PHF21B: variants seen among roughly 807,000 people sequenced by gnomAD.
PHF21B encodes PHD finger protein 4.
Under a neutral mutation model 62.2 loss-of-function variants are expected in PHF21B, and 22 were observed. The ratio of observed to expected loss-of-function variants is 0.35; its 90% CI spans 0.25 to 0.51. The LOEUF (loss-of-function observed/expected upper bound fraction) is 0.51, where lower values mean the gene tolerates loss of function less well. Among genes scored for constraint, PHF21B ranks in the 20% least tolerant of loss-of-function variants. PHF21B has a pLI of 0.97. For missense variants in PHF21B, 701 were observed against 707.9 expected, an observed-to-expected ratio of 0.99 and a Z score of 0.11; for synonymous variants, 341 against 314.7, an observed-to-expected ratio of 1.08 and a Z score of -0.88.
intron 2 of PHF21B, among the ~76,000 whole-genome samples, chr22:44,990,817 G>A (rs769491114): frequency 2.6e-5 from 4 of 152,282 alleles, no homozygotes; most frequent in South Asian, 2.1e-4. Context: ...TGGTGAAGAC[G>A]GTAAGTTTTA....
At chr22:44,997,202 G>A (rs926354660) in intron 2 of PHF21B, among the ~76,000 whole-genome samples, 46 of 152,216 alleles carry the variant, frequency 3.0e-4, no homozygotes, top group African/African-American at 1.1e-3. Flanking sequence ...AGTCCCTTAC[G>A]CTGAAGGTCC....
At chr22:44,953,907 C>T (rs2072242329) in intron 2 of PHF21B, among the ~76,000 whole-genome samples, 1 of 152,232 alleles carries the variant, frequency 6.6e-6, no homozygotes, top group Non-Finnish European at 1.5e-5. Flanking sequence ...AGTGAAGCAA[C>T]TTGCCCAAGC....
chr22:44,902,309 C>T (rs894747101), intron 5 of PHF21B: 1 of 313,750 alleles, frequency 3.2e-6, no homozygotes, highest in Non-Finnish European at 6.3e-6. Flanking sequence ...GGTTGATCAT[C>T]AAAAAGCTGT....
chr22:44,920,623 T>C (rs996006609), intron 2 of PHF21B, 133 bp from the exon 3 acceptor site: 27 of 501,448 alleles, frequency 5.4e-5, no homozygotes, highest in Admixed American at 3.1e-4. Context: ...TTAATTATGA[T>C]TTTTAAAAAA....
intron 2 of PHF21B, among the ~76,000 whole-genome samples, chr22:44,974,898 A>AC (rs1161275410): frequency 6.6e-6 from 1 of 152,232 alleles, no homozygotes; most frequent in African/African-American, 2.4e-5. Context: ...ACCACTCAGT[A>AC]CCCAATCATT....
chr22:45,007,436 G>C (rs1034909530), intron 2 of PHF21B, among the ~76,000 whole-genome samples: 5 of 147,312 alleles, frequency 3.4e-5, no homozygotes, highest in African/African-American at 1.3e-4. Context: ...CGCGGGGGCA[G>C]GCCCGGGCGG....
At chr22:44,926,507 A>G (rs903012844) in intron 2 of PHF21B, among the ~76,000 whole-genome samples, 9 of 152,190 alleles carry the variant, frequency 5.9e-5, no homozygotes, top group African/African-American at 2.2e-4. Context: ...CTGGCCCTCC[A>G]GGCAAGGCGG....
chr22:45,006,379 TCA>T, intron 2 of PHF21B, among the ~76,000 whole-genome samples: 1 of 152,096 alleles, frequency 6.6e-6, no homozygotes, highest in South Asian at 2.1e-4. Context: ...AAACACACAC[TCA>T]CACACACAAA....
At chr22:44,923,329 AT>A (rs1261164398) in intron 2 of PHF21B, among the ~76,000 whole-genome samples, 2 of 111,612 alleles carry the variant, frequency 1.8e-5, no homozygotes, top group African/African-American at 7.7e-5. Flanking sequence ...CACATACCAT[AT>A]CAAAAAAAAA....
At chr22:44,994,432 C>T (rs1164606959) in intron 2 of PHF21B, among the ~76,000 whole-genome samples, 2 of 152,234 alleles carry the variant, frequency 1.3e-5, no homozygotes, top group Non-Finnish European at 1.5e-5. Context: ...CCAGAAGCCG[C>T]CAGGGGCTGG....
chr22:44,924,606 A>G (rs1483109824), intron 2 of PHF21B, among the ~76,000 whole-genome samples: 1 of 152,206 alleles, frequency 6.6e-6, no homozygotes, highest in African/African-American at 2.4e-5. Flanking sequence ...ATACAGCAAG[A>G]AGGTGGCCAT....
intron 2 of PHF21B, among the ~76,000 whole-genome samples, chr22:44,984,098 C>G (rs915712474): frequency 1.3e-5 from 2 of 148,354 alleles, no homozygotes; most frequent in African/African-American, 5.0e-5. Context: ...ATCATCATCA[C>G]CATCATCACC....
chr22:44,980,381 G>A (rs987725732), intron 2 of PHF21B, among the ~76,000 whole-genome samples: 2 of 152,148 alleles, frequency 1.3e-5, no homozygotes, highest in African/African-American at 2.4e-5. Flanking sequence ...GTGGACACAC[G>A]GTTCCCAGAG....
At chr22:44,912,654 C>A (rs1259357546) in intron 5 of PHF21B, among the ~76,000 whole-genome samples, 1 of 152,006 alleles carries the variant, frequency 6.6e-6, no homozygotes, top group African/African-American at 2.4e-5. Context: ...TTGTAAATTG[C>A]CCAGTCTTGG....
chr22:44,941,024 G>A (rs1360459889), intron 2 of PHF21B, among the ~76,000 whole-genome samples: 3 of 152,190 alleles, frequency 2.0e-5, no homozygotes, highest in African/African-American at 7.2e-5. Context: ...CATGAGCAGC[G>A]GGATTCGTGA....
In PHF21B at chr22:44,915,349, T is replaced by C. The variant is rs141033877; in HGVS notation, c.564+931A>G. ...TCAACTTTCAACAATGAGGCATCTA[T>C]GTGCCTAGTAAATGAACAAAACAGT... On this transcript the variant is annotated intron_variant, in intron 4 of 12. Transcript: ENST00000313237. 4.5e-3 allele frequency among the ~76,000 whole-genome samples: 679 copies of C among 152,372 alleles called. 6 individuals carry two copies. The highest frequency in any genetic ancestry group is 0.015 in the African/African-American group (636 of 41,594).
intron 2 of PHF21B, among the ~76,000 whole-genome samples, chr22:44,980,196 T>G (rs1228648254): frequency 6.6e-6 from 1 of 151,990 alleles, no homozygotes; most frequent in Non-Finnish European, 1.5e-5. Context: ...CAGGACATTT[T>G]CACCACTCCA....
At chr22:44,939,122 T>G (rs2071905848) in intron 2 of PHF21B, among the ~76,000 whole-genome samples, 1 of 152,132 alleles carries the variant, frequency 6.6e-6, no homozygotes, top group African/African-American at 2.4e-5. Flanking sequence ...CTTAGGAGCC[T>G]CCAGTAGAAA....
chr22:44,885,880 T>C lies in PHF21B; in HGVS notation c.1256A>G (p.Tyr419Cys), dbSNP rs2070848442. The change falls in exon 11 of 13, where the codon TAT (tyrosine) becomes TGT (cysteine). Residue 419 changes from tyrosine to cysteine, a missense_variant. Transcript: ENST00000313237. ...TGCCTCACCTGTCTTGTGGGTGACA[T>C]AAGAGTGCACGATGGCCAGCATCCC... ...WTGMLAIVHS[Y>C]VTHKTVKEEE... 1 of 1,613,998 alleles carries C rather than the reference T, an allele frequency of 6.2e-7. No individual in the cohort carries two copies. The highest frequency in any genetic ancestry group is 8.5e-7 in the Non-Finnish European group (1 of 1,179,964).
Sources: gnomAD v4.1 joint callset for allele counts (sites outside exome capture counted in the v4.1 genomes callset) on GRCh38, gnomAD v4.1.1 for gene constraint, MANE v1.5 for transcripts, NCBI Gene and HGNC (gene_info 2026-07-23, HGNC 2026-07-21) for gene names.